HSD11B1: variants seen among roughly 807,000 people sequenced by gnomAD.
The protein encoded by HSD11B1 is 11-beta-hydroxysteroid dehydrogenase 1.
HSD11B1 carries 15 observed loss-of-function variants against 22.1 expected under a neutral mutation model. The ratio of observed to expected loss-of-function variants is 0.68; its 90% CI spans 0.45 to 1.04. HSD11B1 has a LOEUF of 1.04. HSD11B1 is among the 50% of genes least tolerant of loss of function. HSD11B1 has a pLI of 0.00. For synonymous variants in HSD11B1, 122 were observed against 125.2 expected (o/e 0.97, Z 0.17); for missense variants, 281 against 357.6 (o/e 0.79, Z 1.73).
chr1:209,714,195 C>T (rs938270754), intron 4 of HSD11B1, among the ~76,000 whole-genome samples: 6 of 152,046 alleles, frequency 3.9e-5, no homozygotes, highest in Middle Eastern at 3.4e-3. Flanking sequence ...GTTGTAAAAA[C>T]AAACAAACAA....
chr1:209,700,409 G>C (rs571237871), upstream of HSD11B1, among the ~76,000 whole-genome samples: 2 of 152,184 alleles, frequency 1.3e-5, no homozygotes, highest in Non-Finnish European at 2.9e-5. Flanking sequence ...CTGAGCTCTA[G>C]GCTAGCTCCT....
chr1:209,727,304 G>T (rs1377957747), intron 4 of HSD11B1, among the ~76,000 whole-genome samples: 1 of 152,144 alleles, frequency 6.6e-6, no homozygotes, highest in Non-Finnish European at 1.5e-5. Flanking sequence ...CTTGGTTTTG[G>T]ACTTCTGGAT....
chr1:209,692,365 G>C (rs962058699), intron 1 of HSD11B1, among the ~76,000 whole-genome samples: 2 of 152,082 alleles, frequency 1.3e-5, no homozygotes, highest in South Asian at 2.1e-4. Flanking sequence ...TCTCAGTAAA[G>C]AACTGGACTC....
In HSD11B1 at chr1:209,734,661, G is replaced by T. The variant is rs1263467432; in HGVS notation, c.*140G>T. The T allele has an allele frequency of 1.4e-6, 1 of 713,566 alleles. No individual in the cohort carries two copies. Among genetic ancestry groups the T allele is most frequent in the Non-Finnish European group, 2.5e-6 (1 of 401,530 alleles). 44.2% of individuals were successfully genotyped at this position (713,566 alleles called of 1,614,324 possible). On this transcript the variant is annotated 3_prime_UTR_variant, in exon 6 of 6. Transcript: ENST00000367027. The stretch of plus-strand genomic sequence containing the variant: ...CATGGGTCACACCTGACAAATGGAA[G>T]GAGTTCCTCTAACATTTGCAAAATG...
intron 4 of HSD11B1, among the ~76,000 whole-genome samples, chr1:209,719,176 C>T (rs1276347594): frequency 6.6e-6 from 1 of 152,014 alleles, no homozygotes; most frequent in Non-Finnish European, 1.5e-5. Context: ...AATGGATAAG[C>T]AAAATGTAGT....
At chr1:209,686,903 A>G (rs755560261) in intron 1 of HSD11B1, among the ~76,000 whole-genome samples, 2 of 152,210 alleles carry the variant, frequency 1.3e-5, no homozygotes, top group Non-Finnish European at 2.9e-5. Context: ...TGTGCTATTC[A>G]TCTATCCTTT....
At chr1:209,698,277 A>T (rs2076805746) in intron 1 of HSD11B1, among the ~76,000 whole-genome samples, 1 of 152,140 alleles carries the variant, frequency 6.6e-6, no homozygotes, top group African/African-American at 2.4e-5. Flanking sequence ...TGAAATTCAG[A>T]TTTAACTGTA....
intron 4 of HSD11B1, among the ~76,000 whole-genome samples, chr1:209,720,862 C>T (rs1213739497): frequency 6.6e-6 from 1 of 152,146 alleles, no homozygotes; most frequent in African/African-American, 2.4e-5. Flanking sequence ...CTGCCTGAAC[C>T]TGTGAATGCA....
intron 1 of HSD11B1, among the ~76,000 whole-genome samples, chr1:209,698,522 C>T (rs536909099): frequency 6.6e-6 from 1 of 152,212 alleles, no homozygotes; most frequent in Non-Finnish European, 1.5e-5. Flanking sequence ...GGTGGTCATG[C>T]TGAGGTCAGT....
chr1:209,724,695 TA>T (rs1380461212), intron 4 of HSD11B1, among the ~76,000 whole-genome samples: 1 of 152,348 alleles, frequency 6.6e-6, no homozygotes, highest in East Asian at 1.9e-4. Flanking sequence ...CTGAAACTTC[TA>T]AATATGGTTT....
At chr1:209,695,103 C>T (rs569381400) in intron 1 of HSD11B1, among the ~76,000 whole-genome samples, 2 of 152,182 alleles carry the variant, frequency 1.3e-5, no homozygotes, top group Admixed American at 6.5e-5. Flanking sequence ...GCTGTTCCCC[C>T]CTTTGCTCTG....
intron 1 of HSD11B1, among the ~76,000 whole-genome samples, chr1:209,690,560 G>A (rs1430193135): frequency 1.3e-5 from 2 of 151,998 alleles, no homozygotes. Context: ...AGCCGAGCAT[G>A]GTGGTGCATA....
intron 4 of HSD11B1, among the ~76,000 whole-genome samples, chr1:209,726,403 G>A (rs2077002124): frequency 6.6e-6 from 1 of 151,560 alleles, no homozygotes; most frequent in African/African-American, 2.4e-5. Context: ...AGGGATTTTA[G>A]GCCAGCCTGT....
At chr1:209,727,885 C>T (rs1458297756) in intron 4 of HSD11B1, among the ~76,000 whole-genome samples, 2 of 152,218 alleles carry the variant, frequency 1.3e-5, no homozygotes, top group African/African-American at 4.8e-5. Flanking sequence ...CCCAACCTTA[C>T]ATGACCTTTT....
intron 4 of HSD11B1, among the ~76,000 whole-genome samples, chr1:209,727,198 A>G (rs1477653075): frequency 2.6e-5 from 4 of 152,230 alleles, no homozygotes; most frequent in Admixed American, 2.6e-4. Context: ...TGCCAGCACA[A>G]CTCAGCTCCA....
chr1:209,704,360 T>C (rs2076843190), upstream of HSD11B1, among the ~76,000 whole-genome samples: 1 of 152,124 alleles, frequency 6.6e-6, no homozygotes, highest in Admixed American at 6.5e-5. Flanking sequence ...AGAGCTTCTT[T>C]GCTTTCATTA....
intron 4 of HSD11B1, among the ~76,000 whole-genome samples, chr1:209,710,552 T>A (rs1369430474): frequency 6.6e-6 from 1 of 152,244 alleles, no homozygotes; most frequent in Admixed American, 6.5e-5. Flanking sequence ...TCCTCATCAT[T>A]TCTCTTTTTT....
chr1:209,718,302 A>T lies in HSD11B1; in HGVS notation c.517+11174A>T, dbSNP rs1429297375. Among the ~76,000 whole-genome samples, 4 of 152,220 alleles carry T rather than the reference A, an allele frequency of 2.6e-5. 1 individual carries two copies. The highest frequency in any genetic ancestry group is 2.6e-4 in the Admixed American group (4 of 15,286). On this transcript the variant is annotated intron_variant, in intron 4 of 5. Transcript: ENST00000367027. ...TGGATATCCTAAATACCCTTACTTG[A>T]TCATTACATATTCTATGGATGTAAC...
Position 209,720,680 on chromosome 1 carries a change from T to C in HSD11B1, c.518-11756T>C, listed in dbSNP as rs1331684618. On this transcript the variant is annotated intron_variant, in intron 4 of 5. Coordinates refer to ENST00000367027, the MANE Select transcript of HSD11B1 (RefSeq NM_005525.4). ...CAGAGCAAAGGCAACTGAAGAGTCATGACAACTAAATGCCAACTCATGATC... is the reference window on the plus strand; with the variant it reads ...CAGAGCAAAGGCAACTGAAGAGTCACGACAACTAAATGCCAACTCATGATC... Among the ~76,000 whole-genome samples, 7 of 152,004 alleles carry C rather than the reference T, an allele frequency of 4.6e-5. No individual in the cohort carries two copies. The East Asian group carries it at 9.7e-4, about 21-fold the overall frequency.
Sources: allele counts gnomAD v4.1 joint callset (sites outside exome capture counted in the v4.1 genomes callset), GRCh38; gene constraint gnomAD v4.1.1; transcripts MANE v1.5; gene names NCBI Gene and HGNC (gene_info 2026-07-23, HGNC 2026-07-21).